KIF15: variants seen among roughly 807,000 people sequenced by gnomAD.
KIF15 encodes the protein kinesin-like protein KIF15.
In KIF15, 140 loss-of-function variants were observed where a neutral mutation model predicts 190.6. The observed-to-expected ratio is 0.73, with a 90% CI of 0.64 to 0.84. The LOEUF is 0.84. Ranked by LOEUF, KIF15 falls within the 40% of genes least tolerant of loss-of-function variation. The pLI is 0.00. For synonymous variants in KIF15, 528 were observed against 551.3 expected (o/e 0.96, Z 0.59); for missense variants, 1,372 against 1,584.4 (o/e 0.87, Z 2.28).
rs556363553 is a variant in KIF15, at chr3:44,810,750, A to G, written c.1972-96A>G. 575 of 986,792 alleles carry G rather than the reference A, an allele frequency of 5.8e-4. 1 individual carries two copies. The highest frequency in any genetic ancestry group is 1.6e-3 in the Admixed American group (57 of 36,590). The allele number at this position is 986,792 out of a possible 1,614,324, so 61.1% of individuals were successfully genotyped here. On this transcript the variant is annotated intron_variant, in intron 16 of 34. Coordinates refer to ENST00000326047, the MANE Select transcript of KIF15 (RefSeq NM_020242.3). ...GGTACTTTTTCCTTTCTTTTCATGA[A>G]TAGTATTTCAATTTTATCCTCTCTA...
intron 1 of KIF15, among the ~76,000 whole-genome samples, chr3:44,772,304 C>T (rs780809641): frequency 6.6e-6 from 1 of 152,172 alleles, no homozygotes; most frequent in Non-Finnish European, 1.5e-5. Flanking sequence ...GGGATCCATC[C>T]ACCTCTAATT....
At chr3:44,775,522 CT>C in intron 3 of KIF15, 85 bp downstream of exon 3, 1 of 958,918 alleles carries the variant, frequency 1.0e-6, no homozygotes, top group Admixed American at 2.6e-5. Context: ...GTGGCATGAT[CT>C]CGGCTCACTG....
rs962508456 is a variant in KIF15, at chr3:44,806,867, T to G, written c.1971+881T>G. On this transcript the variant is annotated intron_variant, in intron 16 of 34. Transcript: ENST00000326047. ...TTCAAGCGATTCTCCTGCCTCAGCC[T>G]CCCGAGTAGCTGGGATTACAGGCGC... is the stretch of plus-strand genomic sequence containing the variant. Among the ~76,000 whole-genome samples the G allele has an allele frequency of 2.0e-5, 3 of 152,128 alleles. No homozygotes were observed. In the South Asian group the frequency reaches 6.2e-4, roughly 32 times the overall value.
rs1180371306 is a variant in KIF15, at chr3:44,852,893, C to T, written c.*158C>T. ...GTAACCACCTCAAGTTTCTGATGAA[C>T]ATTCTGCATCCATATACACCCTGTG... is the stretch of plus-strand genomic sequence containing the variant. On this transcript the variant is annotated 3_prime_UTR_variant, in exon 35 of 35. Coordinates refer to ENST00000326047, the MANE Select transcript of KIF15 (RefSeq NM_020242.3). 1 of 556,472 alleles carries T rather than the reference C, an allele frequency of 1.8e-6. No homozygotes were observed. The highest frequency in any genetic ancestry group is 2.0e-5 in the African/African-American group (1 of 50,764). The allele number at this position is 556,472 out of a possible 1,614,324, so 34.5% of individuals were successfully genotyped here.
In KIF15 at chr3:44,763,363, G is replaced by A. The variant is rs180991468; in HGVS notation, c.19+1479G>A. Among the ~76,000 whole-genome samples the A allele has an allele frequency of 9.2e-5, 14 of 152,310 alleles. No homozygotes were observed. In the East Asian group the frequency reaches 2.7e-3, roughly 29 times the overall value. ...TATTGCCGGGCTGGAGTGCAGTGGT[G>A]CGATATTGGCTCACTGCAACCTCCG... On this transcript the variant is annotated intron_variant, in intron 1 of 34. Transcript: ENST00000326047.
chr3:44,832,577 T>C (rs1040781637), intron 26 of KIF15, among the ~76,000 whole-genome samples: 1 of 152,190 alleles, frequency 6.6e-6, no homozygotes, highest in Non-Finnish European at 1.5e-5. Flanking sequence ...CCACAGAAAG[T>C]TAATGAGATG....
At chr3:44,799,732 T>A (rs544340599) in intron 10 of KIF15, among the ~76,000 whole-genome samples, 4 of 132,658 alleles carry the variant, frequency 3.0e-5, no homozygotes, top group African/African-American at 5.7e-5. Flanking sequence ...TTTAAGAAAA[T>A]GAAGATAATC....
chr3:44,851,740 G>A (rs1233996976), intron 32 of KIF15, 47 bp from the exon 33 acceptor site: 2 of 1,496,080 alleles, frequency 1.3e-6, no homozygotes, highest in East Asian at 2.3e-5. Context: ...ACTGTTTTAT[G>A]ATTATGTTTC....
At chr3:44,826,903 C>T (rs370575209) in intron 22 of KIF15, 101 of 382,472 alleles carry the variant, frequency 2.6e-4, no homozygotes, top group African/African-American at 1.9e-3. Flanking sequence ...CTTTGGGCCT[C>T]GGTCACTAGG....
chr3:44,861,863 C>A, intron 6 of KIF15: 1 of 1,471,174 alleles, frequency 6.8e-7, no homozygotes, highest in Non-Finnish European at 9.0e-7. Context: ...GGCTGCCATC[C>A]AATCGCGGCG....
chr3:44,799,483 G>T (rs563750512), intron 10 of KIF15, among the ~76,000 whole-genome samples: 1 of 152,024 alleles, frequency 6.6e-6, no homozygotes, highest in East Asian at 1.9e-4. Flanking sequence ...GACCTGGTTG[G>T]TACTCAGCTG....
chr3:44,836,890 G>A (rs1426272924), intron 26 of KIF15, among the ~76,000 whole-genome samples: 5 of 152,190 alleles, frequency 3.3e-5, no homozygotes, highest in Non-Finnish European at 7.3e-5. Flanking sequence ...ACTAGGGAGG[G>A]GTAAGGAAAA....
intron 7 of KIF15, among the ~76,000 whole-genome samples, chr3:44,792,269 A>G (rs1352417184): frequency 6.6e-6 from 1 of 151,862 alleles, no homozygotes; most frequent in African/African-American, 2.4e-5. Flanking sequence ...TGAGGTCAGG[A>G]GTTCAAGACC....
intron 10 of KIF15, among the ~76,000 whole-genome samples, chr3:44,800,070 G>T (rs1373674977): frequency 6.6e-6 from 1 of 152,146 alleles, no homozygotes; most frequent in Non-Finnish European, 1.5e-5. Flanking sequence ...CTCAGGGCTA[G>T]TCAGCTGGGG....
intron 20 of KIF15, among the ~76,000 whole-genome samples, chr3:44,824,852 C>T (rs188633634): frequency 1.3e-5 from 2 of 152,298 alleles, no homozygotes; most frequent in East Asian, 3.9e-4. Context: ...CTCAATATCC[C>T]GGGCTCAAGC....
intron 32 of KIF15, among the ~76,000 whole-genome samples, chr3:44,849,467 A>T (rs1698983721): frequency 6.6e-6 from 1 of 152,062 alleles, no homozygotes; most frequent in African/African-American, 2.4e-5. Flanking sequence ...TATTTCTAAA[A>T]TTTTTTTTAA....
intron 3 of KIF15, among the ~76,000 whole-genome samples, chr3:44,776,296 C>A (rs1434213598): frequency 3.3e-5 from 5 of 150,580 alleles, no homozygotes; most frequent in Non-Finnish European, 5.9e-5. Context: ...GTGGCACATG[C>A]CTGTTATCCC....
chr3:44,826,489 A>G, intron 22 of KIF15, 29 bp downstream of exon 22: 1 of 1,399,500 alleles, frequency 7.1e-7, no homozygotes, highest in Non-Finnish European at 1.0e-6. Context: ...TTCTACTAGC[A>G]TACTAGAATA....
chr3:44,796,035 G>T (rs1164851589), intron 8 of KIF15, among the ~76,000 whole-genome samples: 1 of 152,062 alleles, frequency 6.6e-6, no homozygotes, highest in Non-Finnish European at 1.5e-5. Flanking sequence ...CTAATATTTT[G>T]TATTTTTAAT....
Sources: gnomAD v4.1 joint callset for allele counts (sites outside exome capture counted in the v4.1 genomes callset) on GRCh38, gnomAD v4.1.1 for gene constraint, MANE v1.5 for transcripts, NCBI Gene and HGNC (gene_info 2026-07-23, HGNC 2026-07-21) for gene names.